Variants in GRXCR1 observed in about 807,000 individuals in gnomAD.
The protein encoded by GRXCR1 is glutaredoxin and cysteine rich domain containing 1, also known as glutaredoxin domain-containing cysteine-rich protein 1.
GRXCR1 carries 27 observed loss-of-function variants against 27.3 expected under a neutral mutation model. The ratio of observed to expected loss-of-function variants is 0.99; its 90% confidence interval spans 0.73 to 1.37. The LOEUF (loss-of-function observed/expected upper bound fraction) is 1.37, where lower values mean the gene tolerates loss of function less well. GRXCR1 is among the 40% of genes most tolerant of loss of function. The pLI, the probability that GRXCR1 is intolerant of heterozygous loss-of-function variation, is 0.00. For missense variants in GRXCR1, 379 were observed against 354.4 expected (o/e 1.07, Z -0.56); for synonymous variants, 122 against 131.1 (o/e 0.93, Z 0.47).
At chr4:42,957,727 T>C (rs1459804005) in intron 1 of GRXCR1, among the ~76,000 whole-genome samples, 1 of 151,712 alleles carries the variant, frequency 6.6e-6, no homozygotes, top group Non-Finnish European at 1.5e-5. Context: ...TGATGTATTC[T>C]TCAGTTTGTC....
chr4:42,914,395 G>T (rs933244746), intron 1 of GRXCR1, among the ~76,000 whole-genome samples: 1 of 152,212 alleles, frequency 6.6e-6, no homozygotes, highest in Non-Finnish European at 1.5e-5. Flanking sequence ...GAACTTTAAG[G>T]TTTAATAACT....
At chr4:42,928,137 G>A (rs569444571) in intron 1 of GRXCR1, among the ~76,000 whole-genome samples, 2 of 152,060 alleles carry the variant, frequency 1.3e-5, no homozygotes, top group South Asian at 2.1e-4. Flanking sequence ...AGAGTTACAG[G>A]CATGTGCAGC....
At chr4:42,948,701 G>A (rs942266670) in intron 1 of GRXCR1, among the ~76,000 whole-genome samples, 1 of 152,006 alleles carries the variant, frequency 6.6e-6, no homozygotes, top group African/African-American at 2.4e-5. Context: ...ATGTGATGAA[G>A]TTAGGGTTCT....
At chr4:42,995,469 A>G (rs1233420881) in intron 2 of GRXCR1, among the ~76,000 whole-genome samples, 1 of 152,178 alleles carries the variant, frequency 6.6e-6, no homozygotes, top group Non-Finnish European at 1.5e-5. Context: ...GAAGCAGCAA[A>G]TATTTTCCCT....
chr4:42,929,355 G>A (rs991228991), intron 1 of GRXCR1, among the ~76,000 whole-genome samples: 4 of 152,054 alleles, frequency 2.6e-5, no homozygotes, highest in African/African-American at 9.7e-5. Flanking sequence ...AAGCAGAGAA[G>A]TCTTGAAAGA....
chr4:43,018,837 A>G (rs190415517), intron 2 of GRXCR1, among the ~76,000 whole-genome samples: 19 of 152,322 alleles, frequency 1.2e-4, no homozygotes, highest in Middle Eastern at 3.4e-3. Context: ...ATGTGTTGTC[A>G]TGGTGCTTTC....
At chr4:42,992,393 A>T (rs1458058222) in intron 2 of GRXCR1, among the ~76,000 whole-genome samples, 2 of 152,150 alleles carry the variant, frequency 1.3e-5, no homozygotes, top group African/African-American at 4.8e-5. Flanking sequence ...GTCACTCTTC[A>T]TATTAATTAG....
At chr4:42,908,614 C>T (rs953502369) in intron 1 of GRXCR1, among the ~76,000 whole-genome samples, 4 of 152,136 alleles carry the variant, frequency 2.6e-5, no homozygotes, top group Non-Finnish European at 5.9e-5. Context: ...ATCTTCTATG[C>T]CTATTTATAA....
intron 2 of GRXCR1, among the ~76,000 whole-genome samples, chr4:43,000,698 G>C (rs1313081554): frequency 6.6e-6 from 1 of 151,712 alleles, no homozygotes; most frequent in Non-Finnish European, 1.5e-5. Flanking sequence ...GAAAACCTCA[G>C]TATATATAGG....
chr4:43,001,562 C>T lies in GRXCR1; in HGVS notation c.628-18792C>T, dbSNP rs114511660. Among the ~76,000 whole-genome samples the T allele has an allele frequency of 6.0e-3, 914 of 151,892 alleles. 14 individuals carry two copies. The highest frequency in any genetic ancestry group is 0.019 in the African/African-American group (798 of 41,522). ...ATTTGTACTCGTAAAAACACATGTC[C>T]TCGGTGTATGTGTCTCATTGGAAGC... On this transcript the variant is annotated intron_variant, in intron 2 of 3. Coordinates refer to ENST00000399770, the MANE Select transcript of GRXCR1 (RefSeq NM_001080476.3).
intron 1 of GRXCR1, among the ~76,000 whole-genome samples, chr4:42,932,688 C>CTATG (rs1393018949): frequency 9.2e-5 from 12 of 130,408 alleles, no homozygotes; most frequent in Non-Finnish European, 1.6e-5. Context: ...GGGCCCTGTG[C>CTATG]TATGCAGGGC....
chr4:42,972,667 T>C (rs543797036), intron 2 of GRXCR1, among the ~76,000 whole-genome samples: 2 of 152,318 alleles, frequency 1.3e-5, no homozygotes, highest in African/African-American at 2.4e-5. Context: ...GGCACTGTTA[T>C]CATCTTTCAA....
chr4:42,974,081 G>A (rs908418074), intron 2 of GRXCR1, among the ~76,000 whole-genome samples: 1 of 152,248 alleles, frequency 6.6e-6, no homozygotes, highest in South Asian at 2.1e-4. Flanking sequence ...AGACAGCAGG[G>A]TTTGCAGCAG....
chr4:42,918,922 AG>A (rs1265227878), intron 1 of GRXCR1, among the ~76,000 whole-genome samples: 1 of 152,098 alleles, frequency 6.6e-6, no homozygotes, highest in Non-Finnish European at 1.5e-5. Context: ...CTATTGGGAG[AG>A]AAGTCATGTA....
chr4:43,000,985 G>T (rs1425432377), intron 2 of GRXCR1, among the ~76,000 whole-genome samples: 1 of 151,966 alleles, frequency 6.6e-6, no homozygotes, highest in African/African-American at 2.4e-5. Context: ...GGAGTACAGT[G>T]GTGCTATCTC....
At chr4:42,941,683 C>A (rs1372479400) in intron 1 of GRXCR1, among the ~76,000 whole-genome samples, 1 of 151,932 alleles carries the variant, frequency 6.6e-6, no homozygotes, top group Non-Finnish European at 1.5e-5. Context: ...ATTCCTAGAA[C>A]AATATTATCC....
At chr4:42,957,833 T>A (rs1442592317) in intron 1 of GRXCR1, among the ~76,000 whole-genome samples, 1 of 151,854 alleles carries the variant, frequency 6.6e-6, no homozygotes, top group Non-Finnish European at 1.5e-5. Context: ...CTGAATTCCT[T>A]CTCTGTGTCA....
chr4:42,975,591 T>A (rs183459101), intron 2 of GRXCR1, among the ~76,000 whole-genome samples: 99 of 152,270 alleles, frequency 6.5e-4, no homozygotes, highest in African/African-American at 2.3e-3. Flanking sequence ...GAGGCAGTGA[T>A]ACCGGAGTCC....
intron 1 of GRXCR1, among the ~76,000 whole-genome samples, chr4:42,902,283 T>A (rs1392306320): frequency 2.6e-5 from 4 of 152,156 alleles, no homozygotes; most frequent in Non-Finnish European, 5.9e-5. Context: ...CTAGTGGTTT[T>A]ATGGAAAGAA....
Sources: allele counts gnomAD v4.1 joint callset (sites outside exome capture counted in the v4.1 genomes callset), GRCh38; gene constraint gnomAD v4.1.1; transcripts MANE v1.5; gene names NCBI Gene and HGNC (gene_info 2026-07-23, HGNC 2026-07-21).